Variants in SPMIP11 observed in about 807,000 individuals in gnomAD.
SPMIP11 encodes long intergenic non-protein coding RNA 935.
At chr12:48,744,590 T>C in the SPMIP11 span, among the ~76,000 whole-genome samples, 348 of 151,812 alleles carry the variant, frequency 2.3e-3, 1 homozygote, top group African/African-American at 7.9e-3. Flanking sequence ...AAAACTTAGC[T>C]GCATGGTGGC....
the SPMIP11 span, among the ~76,000 whole-genome samples, chr12:48,743,379 C>G: frequency 6.6e-6 from 1 of 151,984 alleles, no homozygotes; most frequent in East Asian, 1.9e-4. Flanking sequence ...GACCTTGTCT[C>G]AAAAAAACCT....
the SPMIP11 span, among the ~76,000 whole-genome samples, chr12:48,738,730 A>G: frequency 2.6e-5 from 4 of 152,086 alleles, no homozygotes; most frequent in African/African-American, 4.8e-5. Context: ...GTGATCAGAA[A>G]GAAGGGAGAC....
chr12:48,733,109 C>A, the SPMIP11 span, among the ~76,000 whole-genome samples: 1 of 128,312 alleles, frequency 7.8e-6, no homozygotes, highest in East Asian at 2.4e-4. Flanking sequence ...GAGTCTCGCT[C>A]TTTCGCCCAG....
At chr12:48,760,098 T>C in the SPMIP11 span, among the ~76,000 whole-genome samples, 1 of 151,034 alleles carries the variant, frequency 6.6e-6, no homozygotes, top group Non-Finnish European at 1.5e-5. Flanking sequence ...TGCCCATCAA[T>C]GAAATGAAAT....
At chr12:48,740,760 G>A in the SPMIP11 span, among the ~76,000 whole-genome samples, 62 of 151,910 alleles carry the variant, frequency 4.1e-4, no homozygotes, top group African/African-American at 1.5e-3. Context: ...GGTGGCCGGT[G>A]CCTCTAATGC....
the SPMIP11 span, among the ~76,000 whole-genome samples, chr12:48,755,603 TTGGTGCTTG>T: frequency 1.3e-5 from 2 of 152,148 alleles, no homozygotes; most frequent in African/African-American, 4.8e-5. Context: ...TATATGCCAA[TTGGTGCTTG>T]ATTCCATAGG....
At chr12:48,764,798 G>T in the SPMIP11 span, 1 of 692,472 alleles carries the variant, frequency 1.4e-6, no homozygotes, top group South Asian at 1.5e-5. Context: ...GCAGAACAGT[G>T]AGCAGAGAAC....
chr12:48,759,077 G>A, the SPMIP11 span: 1 of 607,512 alleles, frequency 1.6e-6, no homozygotes, highest in East Asian at 2.8e-5. Flanking sequence ...TTGGATTCCT[G>A]AGGTCCTGAA....
the SPMIP11 span, chr12:48,765,549 G>C: frequency 1.4e-6 from 1 of 701,684 alleles, no homozygotes; most frequent in Non-Finnish European, 2.6e-6. Context: ...TATTTTTAAG[G>C]ATCTCCTGCT....
At chr12:48,748,137 G>A in the SPMIP11 span, among the ~76,000 whole-genome samples, 1 of 152,206 alleles carries the variant, frequency 6.6e-6, no homozygotes, top group Non-Finnish European at 1.5e-5. Context: ...AAGAAAATTA[G>A]AAGGAATCAG....
At chr12:48,756,771 C>CTTTCTTTTTTTTT in the SPMIP11 span, among the ~76,000 whole-genome samples, 1 of 108,648 alleles carries the variant, frequency 9.2e-6, no homozygotes, top group Non-Finnish European at 2.4e-5. Context: ...ATTTTTTTTT[C>CTTTCTTTTTTTTT]TTTTTTTCTT....
chr12:48,769,063 T>C, the SPMIP11 span: 1 of 1,609,192 alleles, frequency 6.2e-7, no homozygotes, highest in Admixed American at 1.7e-5. Flanking sequence ...TGTTCAGCCC[T>C]GAGGTGGAGA....
At chr12:48,738,449 T>G in the SPMIP11 span, among the ~76,000 whole-genome samples, 1 of 152,046 alleles carries the variant, frequency 6.6e-6, no homozygotes, top group Non-Finnish European at 1.5e-5. Context: ...CTGTGGGTAT[T>G]GACAAGACAC....
At chr12:48,741,647 C>CTTTTTTTTTTTTTTTTTTTTTT in the SPMIP11 span, among the ~76,000 whole-genome samples, 1 of 133,588 alleles carries the variant, frequency 7.5e-6, no homozygotes. Flanking sequence ...TGTAAGTATT[C>CTTTTTTTTTTTTTTTTTTTTTT]TTTTTTTTTT....
At chr12:48,753,355 C>T in the SPMIP11 span, among the ~76,000 whole-genome samples, 1 of 152,204 alleles carries the variant, frequency 6.6e-6, no homozygotes, top group African/African-American at 2.4e-5. Context: ...CACTGCTGCC[C>T]TTATCATTTC....
chr12:48,740,471 C>T, the SPMIP11 span, among the ~76,000 whole-genome samples: 3 of 151,278 alleles, frequency 2.0e-5, no homozygotes, highest in South Asian at 6.3e-4. Flanking sequence ...TCAGTTTTGC[C>T]AATTGTTTCA....
chr12:48,732,411 C>T, the SPMIP11 span, among the ~76,000 whole-genome samples: 2 of 152,034 alleles, frequency 1.3e-5, no homozygotes, highest in African/African-American at 4.8e-5. Context: ...AACTACACAC[C>T]CCTGGCATAA....
At chr12:48,733,770 T>TC in the SPMIP11 span, among the ~76,000 whole-genome samples, 7 of 139,446 alleles carry the variant, frequency 5.0e-5, no homozygotes, top group South Asian at 1.8e-3. Flanking sequence ...GATTCTTTTT[T>TC]TTTTTTTTTT....
chr12:48,770,662 C>T, the SPMIP11 span: 2 of 1,193,872 alleles, frequency 1.7e-6, no homozygotes, highest in Non-Finnish European at 2.4e-6. Context: ...GAAAACCCCA[C>T]AGGAGCCCTG....
Sources: allele counts gnomAD v4.1 joint callset (sites outside exome capture counted in the v4.1 genomes callset), GRCh38; gene constraint gnomAD v4.1.1; transcripts MANE v1.5; gene names NCBI Gene and HGNC (gene_info 2026-07-23, HGNC 2026-07-21).